The following FUT8 variants were observed in gnomAD, a reference collection of about 807,000 sequenced individuals.
FUT8 encodes alpha-(1,6)-fucosyltransferase.
Under a neutral mutation model 71.3 loss-of-function variants are expected in FUT8, and 29 were observed. The observed-to-expected ratio is 0.41, with a 90% CI of 0.30 to 0.55. The LOEUF (loss-of-function observed/expected upper bound fraction) is 0.55, where lower values mean the gene tolerates loss of function less well. Ranked by LOEUF, FUT8 falls within the 20% of genes least tolerant of loss-of-function variation. The pLI is 0.34. For synonymous variants in FUT8, 254 were observed against 239.3 expected (o/e 1.06, Z -0.57); for missense variants, 544 against 702.1 (o/e 0.77, Z 2.55).
At chr14:65,377,008 T>C in the FUT8 span, among the ~76,000 whole-genome samples, 2 of 152,242 alleles carry the variant, frequency 1.3e-5, no homozygotes, top group African/African-American at 2.4e-5. Flanking sequence ...CTTAACCTAG[T>C]AATAAATTGT....
At chr14:65,616,969 G>T in intron 5 of FUT8, 1 of 1,172,748 alleles carries the variant, frequency 8.5e-7, no homozygotes, top group South Asian at 1.7e-5. Context: ...ATCTTCCACA[G>T]AAAAGAAAAC....
At chr14:65,534,577 T>G (rs1003220335) in intron 2 of FUT8, among the ~76,000 whole-genome samples, 2 of 148,638 alleles carry the variant, frequency 1.3e-5, no homozygotes, top group African/African-American at 4.9e-5. Context: ...GTTGGTAGGC[T>G]ATTTATTACT....
intron 7 of FUT8, among the ~76,000 whole-genome samples, chr14:65,679,615 A>C (rs767602526): frequency 3.3e-5 from 5 of 152,172 alleles, no homozygotes; most frequent in African/African-American, 1.2e-4. Context: ...AATTATTTCA[A>C]GTTTTTGCCA....
intron 5 of FUT8, among the ~76,000 whole-genome samples, chr14:65,625,545 T>A (rs1889854956): frequency 1.3e-5 from 2 of 152,198 alleles, no homozygotes; most frequent in Admixed American, 1.3e-4. Context: ...GAATCCTAGC[T>A]GAGAATAACA....
intron 2 of FUT8, among the ~76,000 whole-genome samples, chr14:65,473,108 TA>T (rs780460736): frequency 2.0e-5 from 3 of 152,198 alleles, no homozygotes; most frequent in Non-Finnish European, 4.4e-5. Flanking sequence ...CAATTTTTTT[TA>T]CAAAGTTATA....
At chr14:65,386,109 G>C in the FUT8 span, among the ~76,000 whole-genome samples, 1 of 151,480 alleles carries the variant, frequency 6.6e-6, no homozygotes, top group South Asian at 2.1e-4. Flanking sequence ...CAGAGACTGC[G>C]CCCTTGCACT....
intron 7 of FUT8, among the ~76,000 whole-genome samples, chr14:65,708,404 T>C (rs993307168): frequency 2.0e-5 from 3 of 152,240 alleles, no homozygotes; most frequent in Non-Finnish European, 4.4e-5. Context: ...CAGTTCTTTA[T>C]AGCAGTATGA....
chr14:65,468,977 C>T (rs1032097500), intron 2 of FUT8, among the ~76,000 whole-genome samples: 1 of 151,846 alleles, frequency 6.6e-6, no homozygotes, highest in South Asian at 2.1e-4. Flanking sequence ...AAAAAAAAAT[C>T]GTAGAAACAG....
intron 3 of FUT8, among the ~76,000 whole-genome samples, chr14:65,589,018 C>T (rs1039801443): frequency 6.6e-6 from 1 of 152,130 alleles, no homozygotes; most frequent in East Asian, 1.9e-4. Flanking sequence ...TTTCTTGTCG[C>T]TCTCAATCTC....
the FUT8 span, among the ~76,000 whole-genome samples, chr14:65,377,865 T>A: frequency 6.6e-6 from 1 of 152,072 alleles, no homozygotes; most frequent in Non-Finnish European, 1.5e-5. Context: ...TGGAAATTTT[T>A]GATATAATAC....
At chr14:65,490,291 T>A (rs967606554) in intron 2 of FUT8, among the ~76,000 whole-genome samples, 1 of 152,134 alleles carries the variant, frequency 6.6e-6, no homozygotes, top group Non-Finnish European at 1.5e-5. Context: ...ATGTGATGAT[T>A]ACATGTGACT....
At chr14:65,716,922 T>C (rs191742086) in intron 7 of FUT8, among the ~76,000 whole-genome samples, 203 of 69,898 alleles carry the variant, frequency 2.9e-3, no homozygotes, top group East Asian at 0.024. Context: ...ACTTCCCAGA[T>C]GGGGCGGCCG....
intron 3 of FUT8, among the ~76,000 whole-genome samples, chr14:65,576,730 T>C (rs1431731043): frequency 2.8e-5 from 3 of 107,078 alleles, no homozygotes; most frequent in Middle Eastern, 4.4e-3. Context: ...TTTTTTTTTT[T>C]TTTTTTTGAG....
At chr14:65,493,073 C>T (rs1312496328) in intron 2 of FUT8, among the ~76,000 whole-genome samples, 1 of 152,056 alleles carries the variant, frequency 6.6e-6, no homozygotes, top group East Asian at 1.9e-4. Flanking sequence ...GAATCAGTGG[C>T]CAAGTCAAAG....
chr14:65,714,760 A>G (rs575054255), intron 7 of FUT8, among the ~76,000 whole-genome samples: 3 of 152,050 alleles, frequency 2.0e-5, no homozygotes. Context: ...CATTTCTTTC[A>G]TCAGTGTTTT....
chr14:65,612,803 T>C (rs1217229874), intron 3 of FUT8, among the ~76,000 whole-genome samples: 1 of 152,200 alleles, frequency 6.6e-6, no homozygotes, highest in East Asian at 1.9e-4. Context: ...ATTAGATCAT[T>C]GTTTAATACA....
intron 3 of FUT8, among the ~76,000 whole-genome samples, chr14:65,564,952 C>T (rs747408543): frequency 6.6e-6 from 1 of 151,904 alleles, no homozygotes; most frequent in Non-Finnish European, 1.5e-5. Context: ...GCATTGCTAT[C>T]ACAGAATACC....
chr14:65,680,408 T>C (rs982810097), intron 7 of FUT8, among the ~76,000 whole-genome samples: 2 of 152,240 alleles, frequency 1.3e-5, no homozygotes, highest in African/African-American at 4.8e-5. Flanking sequence ...ACCATTGTTT[T>C]CCGTATTTTT....
At chr14:65,545,529 G>C (rs534135316) in intron 2 of FUT8, among the ~76,000 whole-genome samples, 117 of 151,812 alleles carry the variant, frequency 7.7e-4, no homozygotes, top group African/African-American at 2.6e-3. Context: ...ACAGTCATTC[G>C]TTAAATTTGC....
Sources: allele counts gnomAD v4.1 joint callset (sites outside exome capture counted in the v4.1 genomes callset), GRCh38; gene constraint gnomAD v4.1.1; transcripts MANE v1.5; gene names NCBI Gene and HGNC (gene_info 2026-07-23, HGNC 2026-07-21).